GMNC: variants seen among roughly 807,000 people sequenced by gnomAD.
GMNC encodes geminin coiled-coil domain containing, also known as geminin coiled-coil domain-containing protein 1.
GMNC carries 16 observed loss-of-function variants against 33.6 expected under a neutral mutation model. The observed-to-expected ratio is 0.48, with a 90% confidence interval of 0.32 to 0.72. GMNC has a LOEUF of 0.72. GMNC is among the 30% of genes least tolerant of loss of function. The pLI, the probability that GMNC is intolerant of heterozygous loss-of-function variation, is 0.03. For synonymous variants in GMNC, 156 were observed against 147.3 expected, an observed-to-expected ratio of 1.06 and a Z score of -0.43; for missense variants, 393 against 388.9, an observed-to-expected ratio of 1.01 and a Z score of -0.09.
chr3:190,855,295 C>T lies in GMNC; in HGVS notation c.1005G>A (p.Ter335=), dbSNP rs780569672. The change falls in exon 5 of 5, where the codon TAG becomes TAA. Residue 335 remains the stop codon, a stop_retained_variant. Transcript: ENST00000442080. ...GTGCTTTGTGATAAAAGAGGGGTCA[C>T]TAAGACTGCTTAGGGACCCAGGTAA... The part of the protein sequence containing the change: ...WKFTWVPKQS[*] 6.4e-7 allele frequency: 1 copy of T among 1,550,990 alleles called. No homozygotes were observed. The highest frequency in any genetic ancestry group is 8.7e-7 in the Non-Finnish European group (1 of 1,146,466).
At chr3:190,844,482 A>G in the GMNC span, among the ~76,000 whole-genome samples, 1 of 150,924 alleles carries the variant, frequency 6.6e-6, no homozygotes, top group Non-Finnish European at 1.5e-5. Flanking sequence ...AAGAATATAT[A>G]AAATTCCTAA....
At chr3:190,847,530 T>G in the GMNC span, among the ~76,000 whole-genome samples, 6 of 152,232 alleles carry the variant, frequency 3.9e-5, no homozygotes, top group East Asian at 1.2e-3. Flanking sequence ...GCTGAACTTC[T>G]GCAGTGTTTC....
intron 3 of GMNC, 92 bp from the exon 4 acceptor site, chr3:190,857,991 G>A (rs1282404156): frequency 1.4e-6 from 1 of 737,158 alleles, no homozygotes; most frequent in African/African-American, 1.7e-5. Flanking sequence ...CCTTAAACTT[G>A]ATGATTGTTT....
In GMNC at chr3:190,857,917, T is replaced by C; in HGVS notation, c.268-18A>G. On this transcript the variant is annotated intron_variant, in intron 3 of 4. Transcript: ENST00000442080. ...TCTTGCAGCTACAAAAAGCAGACAG[T>C]GGTGAAGGCTGCTCCACTATATTGA... The C allele has an allele frequency of 7.7e-7, 1 of 1,291,680 alleles. No individual in the cohort carries two copies. The highest frequency in any genetic ancestry group is 1.1e-6 in the Non-Finnish European group (1 of 909,562). The allele number at this position is 1,291,680 out of a possible 1,614,324, so 80.0% of individuals were successfully genotyped here. A position where few individuals can be genotyped will look rare whatever the true frequency, so the allele number is the denominator to read the frequency against.
Position 190,860,799 on chromosome 3 carries a change from C to A in GMNC, c.63G>T (p.Pro21=), listed in dbSNP as rs372354454. The A allele has an allele frequency of 6.4e-7, 1 of 1,551,140 alleles. No individual in the cohort carries two copies. Among genetic ancestry groups the A allele is most frequent in the Non-Finnish European group, 8.7e-7 (1 of 1,146,800 alleles). Residue 21 remains proline (P), a synonymous_variant, in exon 2 of 5, where the codon CCG becomes CCT. Transcript: ENST00000442080. The part of the protein sequence containing the change: ...YFVGGQSYNC[P]YSTTTSESSV... The stretch of plus-strand genomic sequence containing the variant: ...TAGATTCTGACGTTGTAGTGGAATA[C>A]GGGCAATTATAGCTCTGGCCTCCTA...
At chr3:190,857,618 T>C (rs1204023746) in intron 4 of GMNC, among the ~76,000 whole-genome samples, 165 bp downstream of exon 4, 1 of 152,166 alleles carries the variant, frequency 6.6e-6, no homozygotes. Flanking sequence ...AGAGAAATGA[T>C]AGATAAAAAT....
At chr3:190,858,193 A>G (rs1461149987) in intron 3 of GMNC, 2 of 316,796 alleles carry the variant, frequency 6.3e-6, no homozygotes, top group East Asian at 1.0e-4. Flanking sequence ...AATGAGCTGC[A>G]TGCAACTGTT....
intron 2 of GMNC, 81 bp downstream of exon 2, chr3:190,860,603 G>T: frequency 8.1e-7 from 1 of 1,234,756 alleles, no homozygotes; most frequent in African/African-American, 1.5e-5. Flanking sequence ...TTATTCTAGA[G>T]TCCCAGCCCA....
chr3:190,843,381 A>C, the GMNC span, among the ~76,000 whole-genome samples: 1 of 152,176 alleles, frequency 6.6e-6, no homozygotes, highest in African/African-American at 2.4e-5. Flanking sequence ...CATAGAGATA[A>C]AATTATTTCC....
At chr3:190,845,832 T>C in the GMNC span, among the ~76,000 whole-genome samples, 1 of 152,120 alleles carries the variant, frequency 6.6e-6, no homozygotes, top group Non-Finnish European at 1.5e-5. Context: ...GTGTAAATAC[T>C]TTTTTACAAA....
chr3:190,858,054 T>A (rs972863821), intron 3 of GMNC, 155 bp from the exon 4 acceptor site: 1 of 609,038 alleles, frequency 1.6e-6, no homozygotes, highest in African/African-American at 1.8e-5. Flanking sequence ...CTAAATTAAA[T>A]CTACATCCCC....
rs1282430166 is a variant in GMNC at position 190,853,339 on chromosome 3, C to T, written c.*1956G>A. The stretch of plus-strand genomic sequence containing the variant: ...TCCTTAAATCTCTTATTCTAAAAAG[C>T]GACAAATTTCACCGACCAGGGGCCC... On this transcript the variant is annotated 3_prime_UTR_variant, in exon 5 of 5. Coordinates refer to ENST00000442080, the MANE Select transcript of GMNC (RefSeq NM_001146686.3). The T allele has an allele frequency of 3.3e-5, 5 of 151,908 alleles. No homozygotes were observed. Among genetic ancestry groups the T allele is most frequent in the South Asian group, 2.1e-4 (1 of 4,820 alleles). The allele number at this position is 151,908 out of a possible 1,614,324, so 9.4% of individuals were successfully genotyped here.
chr3:190,853,857 A>T lies in GMNC; in HGVS notation c.*1438T>A, dbSNP rs1429341604. 6.6e-6 allele frequency: 1 copy of T among 152,180 alleles called. No homozygotes were observed. Among genetic ancestry groups the T allele is most frequent in the African/African-American group, 2.4e-5 (1 of 41,444 alleles). The allele number at this position is 152,180 out of a possible 1,614,324, so 9.4% of individuals were successfully genotyped here. ...ATATTGTTTCAAATTTAGAAATATG[A>T]AGTCCTTGATAGCAATATTTATATG... On this transcript the variant is annotated 3_prime_UTR_variant, in exon 5 of 5. Transcript: ENST00000442080.
At chr3:190,859,041 G>A in intron 2 of GMNC, 25 bp from the exon 3 acceptor site, 1 of 1,343,876 alleles carries the variant, frequency 7.4e-7, no homozygotes, top group Non-Finnish European at 1.0e-6. Context: ...ATAGATAACT[G>A]AGAAAATAAT....
the GMNC span, among the ~76,000 whole-genome samples, chr3:190,844,031 T>G: frequency 6.6e-6 from 1 of 152,220 alleles, no homozygotes; most frequent in Non-Finnish European, 1.5e-5. Context: ...CTTCTTATAG[T>G]TTAAATATCA....
In GMNC at chr3:190,855,819, G is replaced by T. The variant is rs1737722084; in HGVS notation, c.481C>A (p.Pro161Thr). ...KEQRYSPAEIPHPKNAKRNLS... is the reference protein window; with the variant it reads ...KEQRYSPAEITHPKNAKRNLS... ...TTTCTTTTGGCATTTTTGGGATGGG[G>T]AATCTCAGCAGGAGAGTATCTTTGC... Residue 161 changes from proline (P) to threonine (T), a missense_variant, in exon 5 of 5, where the codon CCC (proline) becomes ACC (threonine). Pro to Thr is a conservative substitution (Grantham distance 38, BLOSUM62 -1). Transcript: ENST00000442080. 5 of 1,551,270 alleles carry T rather than the reference G, an allele frequency of 3.2e-6. No homozygotes were observed. Among genetic ancestry groups the T allele is most frequent in the Non-Finnish European group, 4.4e-6 (5 of 1,146,716 alleles).
At chr3:190,847,455 T>C in the GMNC span, among the ~76,000 whole-genome samples, 1 of 152,164 alleles carries the variant, frequency 6.6e-6, no homozygotes, top group East Asian at 1.9e-4. Context: ...GCTCAGATCA[T>C]TGCCTGGGAG....
rs1388536028 is a variant in GMNC at position 190,860,826 on chromosome 3, A to C, written c.36T>G (p.Phe12Leu). 6.4e-7 allele frequency: 1 copy of C among 1,551,244 alleles called. No homozygotes were observed. The highest frequency in any genetic ancestry group is 1.4e-5 in the African/African-American group (1 of 72,976). ...NTILPCQDQYFVGGQSYNCPY... is the reference protein window; with the variant it reads ...NTILPCQDQYLVGGQSYNCPY... ...GGCAATTATAGCTCTGGCCTCCTAC[A>C]AAGTACTGGTCTTGGCAAGGCAGAA... Residue 12 changes from phenylalanine to leucine, a missense_variant, in exon 2 of 5, where the codon TTT (phenylalanine) becomes TTG (leucine). By Grantham distance (22) the Phe-to-Leu change is conservative (BLOSUM62 0). Coordinates refer to ENST00000442080, the MANE Select transcript of GMNC (RefSeq NM_001146686.3).
rs1296349630 is a variant in GMNC at position 190,861,568 on chromosome 3, G to A, written c.4-710C>T. 2.0e-5 allele frequency among the ~76,000 whole-genome samples: 3 copies of A among 152,084 alleles called. No homozygotes were observed. Among genetic ancestry groups the A allele is most frequent in the African/African-American group, 7.2e-5 (3 of 41,386 alleles). ...CCAACACTAAGCACAGGACCACAAA[G>A]CTGCTCCAAGTAAACGTATAATCAA... On this transcript the variant is annotated intron_variant, in intron 1 of 4. Coordinates refer to ENST00000442080, the MANE Select transcript of GMNC (RefSeq NM_001146686.3). This position sits in a 1 kb window ranked among gnomAD's most constrained non-coding sequence, Gnocchi z 5.1.
Sources: gnomAD v4.1 joint callset for allele counts (sites outside exome capture counted in the v4.1 genomes callset) on GRCh38, gnomAD v4.1.1 for gene constraint, Gnocchi (gnomAD v3.1) non-coding constraint, MANE v1.5 for transcripts, NCBI Gene and HGNC (gene_info 2026-07-23, HGNC 2026-07-21) for gene names.